STYXL1: variants seen among roughly 807,000 people sequenced by gnomAD.
The protein encoded by STYXL1 is serine/threonine/tyrosine-interacting-like protein 1.
Under a neutral mutation model 36.4 loss-of-function variants are expected in STYXL1, and 32 were observed. The observed-to-expected ratio is 0.88, with a 90% CI of 0.66 to 1.18. The LOEUF (loss-of-function observed/expected upper bound fraction) is 1.18. STYXL1 is among the 50% of genes most tolerant of loss of function. The pLI is 0.00. For missense variants in STYXL1, 354 were observed against 394.1 expected (o/e 0.90, Z 0.86); for synonymous variants, 133 against 144.1 (o/e 0.92, Z 0.55).
chr7:76,003,994 C>T lies in STYXL1; in HGVS notation c.600-139G>A, dbSNP rs1268967707. ...GGGGAATGTGCACAGGTAACTCAACCTCTCCTGGAAAAAAACATCCAGGCT... is the reference window on the plus strand; with the variant it reads ...GGGGAATGTGCACAGGTAACTCAACTTCTCCTGGAAAAAAACATCCAGGCT... On this transcript the variant is annotated intron_variant, in intron 6 of 8. Transcript: ENST00000359697. The T allele has an allele frequency of 4.3e-6, 3 of 691,282 alleles. No individual in the cohort carries two copies. The African/African-American group carries it at 5.4e-5, about 12-fold the overall frequency. 42.8% of individuals were successfully genotyped at this position (691,282 alleles called of 1,614,324 possible).
intron 4 of STYXL1, among the ~76,000 whole-genome samples, chr7:76,020,485 G>A (rs1308084277): frequency 2.6e-5 from 4 of 152,142 alleles, no homozygotes; most frequent in Non-Finnish European, 5.9e-5. Context: ...AACTGACCAC[G>A]CTTTAATGTT....
At chr7:76,011,755 C>T (rs1792576143) in intron 5 of STYXL1, among the ~76,000 whole-genome samples, 1 of 152,228 alleles carries the variant, frequency 6.6e-6, no homozygotes, top group Non-Finnish European at 1.5e-5. Flanking sequence ...ACCCAGTTCT[C>T]TTCCTCGAAA....
intron 3 of STYXL1, among the ~76,000 whole-genome samples, chr7:76,022,574 C>A (rs10954739): frequency 0.16 from 23,554 of 151,782 alleles, 3,631 homozygotes; most frequent in African/African-American, 0.39. Context: ...CTGAAGTGGA[C>A]GGATCACTTG....
rs1293712197 is a variant in STYXL1 at position 75,996,512 on chromosome 7, T to C, written c.898A>G (p.Ile300Val). 5.0e-5 allele frequency: 81 copies of C among 1,614,106 alleles called. 1 individual carries two copies. In the Admixed American group the frequency reaches 1.3e-3, roughly 26 times the overall value. The part of the protein sequence containing the change: ...VSQLLEWEKT[I>V]LGDSITNIMD... ...ATGTTTGTGATGGAATCTCCAAGGA[T>C]AGTCTTCTCCCATTCCAGCAGCTGG... is the stretch of plus-strand genomic sequence containing the variant. The change falls in exon 9 of 9, where the codon ATC becomes GTC. Residue 300 changes from isoleucine to valine, a missense_variant. Transcript: ENST00000359697.
chr7:76,043,291 G>A (rs551512118), intron 1 of STYXL1, among the ~76,000 whole-genome samples: 1 of 152,068 alleles, frequency 6.6e-6, no homozygotes, highest in Non-Finnish European at 1.5e-5. Context: ...ACAGGCGCCC[G>A]CCACCGTGCC....
intron 8 of STYXL1, 68 bp from the exon 9 acceptor site, chr7:75,996,667 C>A: frequency 6.5e-7 from 1 of 1,535,774 alleles, no homozygotes; most frequent in Non-Finnish European, 8.9e-7. Context: ...GGATCAGAGG[C>A]AGCTTTCAGA....
Position 76,007,155 on chromosome 7 carries a change from G to C in STYXL1, c.454-1751C>G, listed in dbSNP as rs115721218. ...AGTATACACAAGAGGGGCCAGGTGA[G>C]GTGGCTCACATCTGTAACCCCATCA... On this transcript the variant is annotated intron_variant, in intron 5 of 8. Transcript: ENST00000359697. Among the ~76,000 whole-genome samples, 454 of 152,280 alleles carry C rather than the reference G, an allele frequency of 3.0e-3. 3 individuals carry two copies. Among genetic ancestry groups the C allele is most frequent in the African/African-American group, 0.01 (436 of 41,576 alleles).
chr7:76,013,605 A>G, intron 5 of STYXL1, 137 bp downstream of exon 5: 1 of 1,290,426 alleles, frequency 7.7e-7, no homozygotes, highest in Non-Finnish European at 1.1e-6. Flanking sequence ...TTGTGTTTTT[A>G]GTATAGACAG....
chr7:76,026,246 G>GTGGAAAAGT (rs1234901573), intron 3 of STYXL1, among the ~76,000 whole-genome samples: 18 of 138,088 alleles, frequency 1.3e-4, no homozygotes, highest in Non-Finnish European at 2.5e-4. Flanking sequence ...GAGACAGGGT[G>GTGGAAAAGT]TGGAAAAGTA....
At chr7:76,028,889 C>T (rs1323208776) in intron 2 of STYXL1, among the ~76,000 whole-genome samples, 186 bp from the exon 3 acceptor site, 1 of 152,046 alleles carries the variant, frequency 6.6e-6, no homozygotes, top group Non-Finnish European at 1.5e-5. Flanking sequence ...CTTTGGAAGG[C>T]CGAGGCAGGT....
chr7:76,013,917 C>G (rs1554573106), intron 4 of STYXL1, 30 bp from the exon 5 acceptor site: 1 of 1,587,932 alleles, frequency 6.3e-7, no homozygotes, highest in African/African-American at 1.3e-5. Flanking sequence ...ACATGAATGT[C>G]TCCTGTGTAT....
chr7:76,018,964 T>G (rs1460919862), intron 4 of STYXL1, among the ~76,000 whole-genome samples: 2 of 152,228 alleles, frequency 1.3e-5, no homozygotes, highest in Non-Finnish European at 2.9e-5. Context: ...TTCCAATTTC[T>G]CCATGTTCTC....
intron 1 of STYXL1, among the ~76,000 whole-genome samples, chr7:76,034,117 T>C (rs1318860077): frequency 6.6e-6 from 1 of 152,214 alleles, no homozygotes; most frequent in East Asian, 1.9e-4. Flanking sequence ...TGCTGCCTTT[T>C]TTTGAGACAA....
At chr7:76,041,063 G>A (rs966567275) in intron 1 of STYXL1, among the ~76,000 whole-genome samples, 18 of 151,470 alleles carry the variant, frequency 1.2e-4, no homozygotes, top group South Asian at 4.2e-4. Flanking sequence ...TTGGCTAGGC[G>A]TGGTGGCTCA....
At chr7:76,007,122 T>C (rs1470236453) in intron 5 of STYXL1, among the ~76,000 whole-genome samples, 1 of 152,128 alleles carries the variant, frequency 6.6e-6, no homozygotes. Flanking sequence ...AATCTAGAGA[T>C]GATTTAAAGT....
At chr7:76,007,617 G>C (rs1316455254) in intron 5 of STYXL1, among the ~76,000 whole-genome samples, 1 of 151,986 alleles carries the variant, frequency 6.6e-6, no homozygotes, top group Non-Finnish European at 1.5e-5. Context: ...ACGTACATTA[G>C]CAATCAAAGG....
intron 1 of STYXL1, among the ~76,000 whole-genome samples, chr7:76,043,734 C>G (rs1796703544): frequency 6.6e-6 from 1 of 152,180 alleles, no homozygotes; most frequent in South Asian, 2.1e-4. Context: ...ACACAGGATG[C>G]CTCAGAAGCC....
intron 1 of STYXL1, among the ~76,000 whole-genome samples, chr7:76,030,783 G>A (rs940157689): frequency 6.1e-5 from 9 of 147,186 alleles, no homozygotes; most frequent in Non-Finnish European, 1.1e-4. Flanking sequence ...AGGCCGAGGC[G>A]GGTGGATCAC....
intron 4 of STYXL1, among the ~76,000 whole-genome samples, chr7:76,014,322 T>C (rs1792983651): frequency 6.6e-6 from 1 of 151,798 alleles, no homozygotes; most frequent in Non-Finnish European, 1.5e-5. Context: ...AGATGCATCA[T>C]ATTAAAATTT....
Sources: gnomAD v4.1 joint callset for allele counts (sites outside exome capture counted in the v4.1 genomes callset) on GRCh38, gnomAD v4.1.1 for gene constraint, MANE v1.5 for transcripts, NCBI Gene and HGNC (gene_info 2026-07-23, HGNC 2026-07-21) for gene names.